CNBD1: variants seen among roughly 807,000 people sequenced by gnomAD.
The protein encoded by CNBD1 is cyclic nucleotide binding domain containing 1, also known as cyclic nucleotide-binding domain-containing protein 1.
A neutral mutation model predicts 54.4 loss-of-function variants in CNBD1; 71 were observed. The ratio of observed to expected loss-of-function variants is 1.30; its 90% CI spans 1.08 to 1.59. The LOEUF is 1.59. Ranked by LOEUF, CNBD1 falls within the 40% of genes most tolerant of loss-of-function variation. The pLI, the probability that CNBD1 is intolerant of heterozygous loss-of-function variation, is 0.00. For missense variants in CNBD1, 659 were observed against 518.0 expected, an observed-to-expected ratio of 1.27 and a Z score of -2.64; for synonymous variants, 182 against 170.7, an observed-to-expected ratio of 1.07 and a Z score of -0.51.
chr8:87,031,258 A>G (rs73273691), intron 4 of CNBD1, among the ~76,000 whole-genome samples: 4,553 of 151,962 alleles, frequency 0.03, 233 homozygotes, highest in African/African-American at 0.1. Flanking sequence ...CACAAGTAAC[A>G]TTTTTGCAAA....
chr8:87,332,348 A>G (rs1809853493), intron 8 of CNBD1, among the ~76,000 whole-genome samples: 1 of 126,836 alleles, frequency 7.9e-6, no homozygotes, highest in South Asian at 2.3e-4. Flanking sequence ...ACTCTGTCTA[A>G]AGAAAAAAAA....
At chr8:87,023,138 T>C (rs1281905046) in intron 4 of CNBD1, among the ~76,000 whole-genome samples, 2 of 152,198 alleles carry the variant, frequency 1.3e-5, no homozygotes, top group East Asian at 3.8e-4. Flanking sequence ...ATATGCTCCT[T>C]CTTTTTGACA....
At chr8:87,078,022 A>C (rs1207744016) in intron 4 of CNBD1, among the ~76,000 whole-genome samples, 1 of 152,214 alleles carries the variant, frequency 6.6e-6, no homozygotes, top group Non-Finnish European at 1.5e-5. Flanking sequence ...ATAACCTCCC[A>C]AAGGTCTCAC....
chr8:87,374,956 G>C (rs1043676995), intron 10 of CNBD1, among the ~76,000 whole-genome samples: 1 of 149,934 alleles, frequency 6.7e-6, no homozygotes, highest in African/African-American at 2.5e-5. Context: ...AAAATGCAAG[G>C]TTTTCTGAGG....
chr8:86,906,430 A>C (rs1809017745), intron 3 of CNBD1, among the ~76,000 whole-genome samples: 1 of 152,156 alleles, frequency 6.6e-6, no homozygotes, highest in Non-Finnish European at 1.5e-5. Context: ...CAGAGATTCA[A>C]ATATAACTTT....
At chr8:87,240,099 CACACAG>C (rs1202691564) in intron 6 of CNBD1, among the ~76,000 whole-genome samples, 17 of 131,662 alleles carry the variant, frequency 1.3e-4, no homozygotes, top group Non-Finnish European at 1.9e-4. Context: ...CACACACACA[CACACAG>C]ACACAAACAT....
At chr8:87,004,465 A>G (rs1284960273) in intron 4 of CNBD1, among the ~76,000 whole-genome samples, 1 of 150,538 alleles carries the variant, frequency 6.6e-6, no homozygotes, top group African/African-American at 2.4e-5. Context: ...AAATATAAAC[A>G]TTTTATATTA....
intron 10 of CNBD1, among the ~76,000 whole-genome samples, chr8:87,380,951 A>G (rs945978653): frequency 1.3e-5 from 2 of 152,048 alleles, no homozygotes; most frequent in East Asian, 1.9e-4. Context: ...TTAGAAGAAT[A>G]CGTAGTTAAA....
At chr8:87,400,622 C>G (rs996341353) in intron 2 of CNBD1, among the ~76,000 whole-genome samples, 2 of 151,902 alleles carry the variant, frequency 1.3e-5, no homozygotes, top group Admixed American at 6.6e-5. Context: ...TTATCCCTGT[C>G]ATTGCTATCC....
At chr8:87,117,082 A>T (rs1037217637) in intron 4 of CNBD1, among the ~76,000 whole-genome samples, 1 of 152,110 alleles carries the variant, frequency 6.6e-6, no homozygotes, top group Non-Finnish European at 1.5e-5. Context: ...TAACCATCTT[A>T]TATCTACTTG....
In CNBD1 at chr8:87,231,644, G is replaced by C. The variant is rs1270431561; in HGVS notation, c.578-5275G>C. ...TCTTGTGAACAGATTTTTTTCTCTA[G>C]TTTTTTTCTCCACTATATTTGCATA... On this transcript the variant is annotated intron_variant, in intron 5 of 10. Coordinates refer to ENST00000518476, the MANE Select transcript of CNBD1 (RefSeq NM_173538.3). Among the ~76,000 whole-genome samples, 6 of 151,930 alleles carry C rather than the reference G, an allele frequency of 3.9e-5. No homozygotes were observed. In the East Asian group the frequency reaches 1.2e-3, roughly 29 times the overall value.
intron 4 of CNBD1, among the ~76,000 whole-genome samples, chr8:87,160,782 G>T (rs1480007876): frequency 6.6e-6 from 1 of 151,938 alleles, no homozygotes; most frequent in Non-Finnish European, 1.5e-5. Context: ...AAAAAAAACA[G>T]AAAATACCAT....
intron 4 of CNBD1, among the ~76,000 whole-genome samples, chr8:87,181,797 G>A (rs369368716): frequency 5.9e-5 from 9 of 152,120 alleles, no homozygotes; most frequent in African/African-American, 2.2e-4. Flanking sequence ...TGAAAGCTGA[G>A]GTCCTTGATT....
intron 4 of CNBD1, among the ~76,000 whole-genome samples, chr8:86,978,261 A>C (rs1405980333): frequency 6.6e-6 from 1 of 152,136 alleles, no homozygotes; most frequent in Non-Finnish European, 1.5e-5. Flanking sequence ...CAGAAAGCCA[A>C]TTTCTATGTT....
rs182801293 is a variant in CNBD1, at chr8:87,064,866, A to T, written c.431+125112A>T. 0.01 allele frequency among the ~76,000 whole-genome samples: 1,548 copies of T among 152,040 alleles called. 23 individuals are homozygous for T. The Middle Eastern group carries it at 0.1, about 10-fold the overall frequency. ...TTAGTACAACAGACATTAATTTAAA[A>T]TTTGCTTCTGTTCCATTCACTCTCT... On this transcript the variant is annotated intron_variant, in intron 4 of 10. Coordinates refer to ENST00000518476, the MANE Select transcript of CNBD1 (RefSeq NM_173538.3).
chr8:87,155,260 A>G (rs970465948), intron 4 of CNBD1, among the ~76,000 whole-genome samples: 3 of 152,176 alleles, frequency 2.0e-5, no homozygotes, highest in African/African-American at 7.2e-5. Context: ...GACCTTCATG[A>G]GATCCAGATA....
At chr8:87,045,574 A>G (rs1810164485) in intron 4 of CNBD1, among the ~76,000 whole-genome samples, 2 of 151,476 alleles carry the variant, frequency 1.3e-5, no homozygotes, top group South Asian at 4.2e-4. Flanking sequence ...AAATACAAAA[A>G]ATTAGCCGGG....
At chr8:87,205,889 A>T in intron 4 of CNBD1, 104 bp from the exon 5 acceptor site, 1 of 975,364 alleles carries the variant, frequency 1.0e-6, no homozygotes, top group Non-Finnish European at 1.4e-6. Flanking sequence ...AAAACCCTTA[A>T]CTAAACAGAA....
rs891876759 is a variant in CNBD1, at chr8:87,164,831, GT to G, written c.432-41156del. Among the ~76,000 whole-genome samples the G allele has an allele frequency of 1.7e-4, 26 of 151,568 alleles. No homozygotes were observed. In the South Asian group the frequency reaches 4.4e-3, roughly 25 times the overall value. ...CTTCCTTCTGCTAACTTTGGGCTCA[GT>G]TTTTTCCTTTCCACATTCCTTGAGG... On this transcript the variant is annotated intron_variant, in intron 4 of 10. Coordinates refer to ENST00000518476, the MANE Select transcript of CNBD1 (RefSeq NM_173538.3).
Sources: allele counts gnomAD v4.1 joint callset (sites outside exome capture counted in the v4.1 genomes callset), GRCh38; gene constraint gnomAD v4.1.1; transcripts MANE v1.5; gene names NCBI Gene and HGNC (gene_info 2026-07-23, HGNC 2026-07-21).